Variants in FAM184A observed in about 807,000 individuals in gnomAD.
FAM184A encodes protein FAM184A.
FAM184A carries 99 observed loss-of-function variants against 143.8 expected under a neutral mutation model. The ratio of observed to expected loss-of-function variants is 0.69; its 90% confidence interval spans 0.58 to 0.81. The LOEUF (loss-of-function observed/expected upper bound fraction) is 0.81, where lower values mean the gene tolerates loss of function less well. FAM184A is among the 40% of genes least tolerant of loss of function. FAM184A has a pLI of 0.00. For missense variants in FAM184A, 1,217 were observed against 1,310.5 expected, an observed-to-expected ratio of 0.93 and a Z score of 1.10; for synonymous variants, 427 against 446.4, an observed-to-expected ratio of 0.96 and a Z score of 0.55.
intron 7 of FAM184A, among the ~76,000 whole-genome samples, chr6:119,004,929 G>T (rs936253395): frequency 4.6e-5 from 7 of 152,258 alleles, no homozygotes; most frequent in African/African-American, 1.7e-4. Flanking sequence ...CAGGAACTGG[G>T]TGCGCACCAA....
chr6:119,050,641 C>T (rs1274274179), intron 1 of FAM184A, among the ~76,000 whole-genome samples: 1 of 151,138 alleles, frequency 6.6e-6, no homozygotes, highest in African/African-American at 2.4e-5. Flanking sequence ...CCCGTCTCTA[C>T]TAAAAATACA....
chr6:118,989,343 A>T (rs1486961075), intron 9 of FAM184A, among the ~76,000 whole-genome samples: 1 of 152,126 alleles, frequency 6.6e-6, no homozygotes. Context: ...ATGAAAATAT[A>T]ATTTCATTTT....
intron 1 of FAM184A, among the ~76,000 whole-genome samples, chr6:119,060,088 C>T (rs551434809): frequency 4.6e-5 from 7 of 152,222 alleles, no homozygotes; most frequent in East Asian, 1.9e-4. Context: ...TTAGTCACTT[C>T]GAGATTAAAG....
intron 1 of FAM184A, among the ~76,000 whole-genome samples, chr6:119,040,021 G>A (rs1206266606): frequency 1.3e-5 from 2 of 152,196 alleles, no homozygotes; most frequent in Admixed American, 6.5e-5. Flanking sequence ...GGAAAAAGGT[G>A]AGCCTATAAA....
intron 9 of FAM184A, among the ~76,000 whole-genome samples, chr6:118,997,269 G>A (rs1399252139): frequency 6.9e-6 from 1 of 144,230 alleles, no homozygotes; most frequent in African/African-American, 2.6e-5. Flanking sequence ...AGGTTGCAGT[G>A]AGCCAAGATC....
Position 119,078,136 on chromosome 6 carries a change from C to T in FAM184A, c.159+5G>A. ...CGCCACCTGCCCCGTCGCTGCCCCC[C>T]TTACCTTGGTGAGCTGGGCGATTTT... On this transcript the variant is annotated splice_donor_5th_base_variant and intron_variant, in intron 1 of 17. Transcript: ENST00000338891. This position sits in a 1 kb window ranked among gnomAD's most constrained non-coding sequence, Gnocchi z 5.5. The T allele has an allele frequency of 6.3e-7, 1 of 1,584,520 alleles. No individual in the cohort carries two copies. The highest frequency in any genetic ancestry group is 8.6e-7 in the Non-Finnish European group (1 of 1,167,828).
intron 1 of FAM184A, among the ~76,000 whole-genome samples, chr6:119,093,269 T>C (rs1056254979): frequency 6.6e-6 from 1 of 152,190 alleles, no homozygotes; most frequent in African/African-American, 2.4e-5. Context: ...TCCTTGAGCC[T>C]TCTGACCTTT....
At chr6:119,055,537 C>T (rs183750799) in intron 1 of FAM184A, among the ~76,000 whole-genome samples, 1 of 152,354 alleles carries the variant, frequency 6.6e-6, no homozygotes, top group African/African-American at 2.4e-5. Flanking sequence ...AATTTCTCCA[C>T]ATCCGTGGCA....
At chr6:118,998,936 C>A (rs963473636) in intron 9 of FAM184A, among the ~76,000 whole-genome samples, 5 of 152,198 alleles carry the variant, frequency 3.3e-5, no homozygotes, top group Admixed American at 1.3e-4. Context: ...TTAAGAGCAT[C>A]ACTTTGGCTG....
intron 1 of FAM184A, among the ~76,000 whole-genome samples, chr6:119,143,186 C>T (rs1002425394): frequency 6.6e-5 from 10 of 152,130 alleles, no homozygotes; most frequent in African/African-American, 1.9e-4. Flanking sequence ...GAAGCTAATA[C>T]CATGATTATT....
chr6:119,077,120 TTCCTC>T (rs908516420), intron 1 of FAM184A, among the ~76,000 whole-genome samples: 3 of 152,154 alleles, frequency 2.0e-5, no homozygotes, highest in Non-Finnish European at 4.4e-5. Context: ...ATTTCCTCCT[TTCCTC>T]TCTTCCGAAT....
intron 17 of FAM184A, among the ~76,000 whole-genome samples, chr6:118,960,393 G>A (rs1783282954): frequency 6.6e-6 from 1 of 151,922 alleles, no homozygotes; most frequent in African/African-American, 2.4e-5. Context: ...AATGAAGTCA[G>A]TTAAGGAGGA....
chr6:119,093,482 T>C (rs947001254), intron 1 of FAM184A, among the ~76,000 whole-genome samples: 2 of 152,228 alleles, frequency 1.3e-5, no homozygotes, highest in Non-Finnish European at 2.9e-5. Flanking sequence ...TTTATTCCCA[T>C]AGATCTTTTC....
intron 1 of FAM184A, among the ~76,000 whole-genome samples, chr6:119,106,262 C>T (rs569343112): frequency 7.2e-5 from 11 of 151,742 alleles, no homozygotes; most frequent in African/African-American, 2.7e-4. Context: ...CGTGGTGGTG[C>T]GCGCCTGTAG....
intron 1 of FAM184A, among the ~76,000 whole-genome samples, chr6:119,050,736 C>T (rs1165579470): frequency 2.0e-5 from 3 of 150,808 alleles, no homozygotes; most frequent in African/African-American, 4.9e-5. Context: ...ACCCGGGAAG[C>T]GGAGCTTGCA....
intron 14 of FAM184A, among the ~76,000 whole-genome samples, chr6:118,968,671 T>C (rs994271880): frequency 6.6e-6 from 1 of 152,202 alleles, no homozygotes; most frequent in East Asian, 1.9e-4. Flanking sequence ...ATTTATGAAC[T>C]GCTTCCCGCA....
At chr6:118,962,418 G>T (rs1215187286) in intron 16 of FAM184A, 1 of 155,238 alleles carries the variant, frequency 6.4e-6, no homozygotes, top group Admixed American at 6.3e-5. Context: ...TCAAAGGGAG[G>T]CAGTTCTTGC....
chr6:119,117,886 GT>G (rs959787948), intron 1 of FAM184A, among the ~76,000 whole-genome samples: 13 of 152,288 alleles, frequency 8.5e-5, no homozygotes, highest in African/African-American at 3.1e-4. Flanking sequence ...ACAGGCAGGG[GT>G]GGGGGTATCC....
At chr6:119,033,621 T>A (rs1785975045) in intron 1 of FAM184A, among the ~76,000 whole-genome samples, 1 of 147,444 alleles carries the variant, frequency 6.8e-6, no homozygotes, top group African/African-American at 2.5e-5. Flanking sequence ...GCCAAGATTA[T>A]GCCGCTGCAC....
Sources: allele counts gnomAD v4.1 joint callset (sites outside exome capture counted in the v4.1 genomes callset), GRCh38; gene constraint gnomAD v4.1.1; non-coding constraint Gnocchi (gnomAD v3.1); transcripts MANE v1.5; gene names NCBI Gene and HGNC (gene_info 2026-07-23, HGNC 2026-07-21).